ADRA1D: variants seen among roughly 807,000 people sequenced by gnomAD.
ADRA1D encodes the protein alpha-1D adrenergic receptor.
Under a neutral mutation model 18.6 loss-of-function variants are expected in ADRA1D, and 22 were observed. That is an observed-to-expected ratio of 1.19 (90% CI 0.85 to 1.69). ADRA1D has a LOEUF of 1.69. Among genes scored for constraint, ADRA1D ranks in the 40% most tolerant of loss-of-function variants. The pLI is 0.00. For synonymous variants in ADRA1D, 376 were observed against 388.2 expected (o/e 0.97, Z 0.37); for missense variants, 840 against 840.7 (o/e 1.00, Z 0.01).
chr20:4,227,951 C>A, intron 1 of ADRA1D, among the ~76,000 whole-genome samples: 1 of 152,064 alleles, frequency 6.6e-6, no homozygotes, highest in Non-Finnish European at 1.5e-5. Flanking sequence ...TGCCTTGTGC[C>A]CGCCCCCGGC....
chr20:4,225,341 G>A (rs1485570727), intron 1 of ADRA1D, among the ~76,000 whole-genome samples: 1 of 150,416 alleles, frequency 6.6e-6, no homozygotes, highest in Non-Finnish European at 1.5e-5. Context: ...TTTCTAGAAG[G>A]AATTTTGTGA....
At chr20:4,242,935 T>A (rs1981251425) in intron 1 of ADRA1D, among the ~76,000 whole-genome samples, 1 of 151,930 alleles carries the variant, frequency 6.6e-6, no homozygotes, top group Non-Finnish European at 1.5e-5. Flanking sequence ...GGGGGACACT[T>A]ACCAGGCAGC....
rs776690942 is a variant in ADRA1D at position 4,222,039 on chromosome 20, G to T, written c.1203C>A (p.Ile401=). The T allele has an allele frequency of 2.5e-6, 4 of 1,611,514 alleles. No homozygotes were observed. In the Admixed American group the frequency reaches 6.7e-5, roughly 27 times the overall value. ...GYFNSCVNPL[I]YPCSSREFKR... is the part of the protein sequence containing the mutation. ...TGAACTCGCGGCTGGAACAGGGGTA[G>T]ATGAGCGGGTTCACGCAGCTGTTGA... is the stretch of plus-strand genomic sequence containing the variant. The change falls in exon 2 of 2, where the codon ATC becomes ATA. Residue 401 remains isoleucine (I), a synonymous_variant. Transcript: ENST00000379453. This position sits in a 1 kb window ranked among gnomAD's most constrained non-coding sequence, Gnocchi z 4.3.
At chr20:4,229,945 TCTCTC>T (rs916825762) in intron 1 of ADRA1D, among the ~76,000 whole-genome samples, 12 of 151,558 alleles carry the variant, frequency 7.9e-5, no homozygotes, top group African/African-American at 2.7e-4. Context: ...TCCCCCCAAA[TCTCTC>T]CTCTCCTCTC....
rs1435445486 is a variant in ADRA1D at position 4,221,475 on chromosome 20, C to T, written c.*48G>A. 6.5e-7 allele frequency: 1 copy of T among 1,541,934 alleles called. No individual in the cohort carries two copies. On this transcript the variant is annotated 3_prime_UTR_variant, in exon 2 of 2. Transcript: ENST00000379453. ...AGAACACCAGCCCGCCTCTCTGGTC[C>T]CCCTTACCCCCAAGCCCAGCACACT...
At chr20:4,243,334 G>A (rs6052453) in intron 1 of ADRA1D, among the ~76,000 whole-genome samples, 1 of 86,920 alleles carries the variant, frequency 1.2e-5, no homozygotes, top group African/African-American at 2.7e-5. Flanking sequence ...CACTCTACAA[G>A]TCTGGGCTCC....
chr20:4,246,960 C>T (rs1055435482), intron 1 of ADRA1D, among the ~76,000 whole-genome samples: 3 of 152,016 alleles, frequency 2.0e-5, no homozygotes, highest in Non-Finnish European at 2.9e-5. Context: ...CTTGGGCCTG[C>T]GGAGGTTGCA....
rs1694877509 is a variant in ADRA1D at position 4,239,131 on chromosome 20, G to C, written c.1111+8716C>G. Reference sequence around the variant, plus strand: ...TAGGCCTTGGAGGAGGGGAGGAGGGGAAGGTCATTGTAGTCTCAAGGCCAG... The same window carrying C: ...TAGGCCTTGGAGGAGGGGAGGAGGGCAAGGTCATTGTAGTCTCAAGGCCAG... On this transcript the variant is annotated intron_variant, in intron 1 of 1. Coordinates refer to ENST00000379453, the MANE Select transcript of ADRA1D (RefSeq NM_000678.4). This position sits in a 1 kb window ranked among gnomAD's most constrained non-coding sequence, Gnocchi z 4.9. Among the ~76,000 whole-genome samples the C allele has an allele frequency of 6.6e-6, 1 of 151,974 alleles. No homozygotes were observed. The highest frequency in any genetic ancestry group is 1.5e-5 in the Non-Finnish European group (1 of 67,978).
rs1468973646 is a variant in ADRA1D at position 4,247,955 on chromosome 20, C to T, written c.1003G>A (p.Val335Met). ...KGHTFRSSLS[V>M]RLLKFSREKK... ...TCACGGGAGAACTTGAGCAGGCGCA[C>T]GGAGAGCGAGCTGCGGAAGGTGTGG... is the stretch of plus-strand genomic sequence containing the variant. The change falls in exon 1 of 2, where the codon GTG becomes ATG. Residue 335 changes from valine to methionine, a missense_variant. By Grantham distance (21) the Val-to-Met change is conservative. Transcript: ENST00000379453. The T allele has an allele frequency of 1.3e-6, 2 of 1,594,556 alleles. No individual in the cohort carries two copies. The highest frequency in any genetic ancestry group is 2.3e-5 in the South Asian group (2 of 88,100).
chr20:4,242,883 T>C (rs1234252027), intron 1 of ADRA1D, among the ~76,000 whole-genome samples: 4 of 152,014 alleles, frequency 2.6e-5, no homozygotes, highest in Admixed American at 6.5e-5. Context: ...TGTTTGTGTG[T>C]GTATGTAGGT....
At position 4,222,067 on chromosome 20, in the gene ADRA1D, T is replaced by A; in HGVS notation, c.1175A>T (p.Tyr392Phe). 6.2e-7 allele frequency: 1 copy of A among 1,612,886 alleles called. No individual in the cohort carries two copies. Among genetic ancestry groups the A allele is most frequent in the South Asian group, 1.1e-5 (1 of 91,062 alleles). The change falls in exon 2 of 2, where the codon TAC becomes TTC. Residue 392 changes from tyrosine (Y) to phenylalanine (F), a missense_variant. Tyr to Phe is a conservative substitution (Grantham distance 22, BLOSUM62 3). Coordinates refer to ENST00000379453, the MANE Select transcript of ADRA1D (RefSeq NM_000678.4). This position sits in a 1 kb window ranked among gnomAD's most constrained non-coding sequence, Gnocchi z 4.3. ...GVFKVIFWLG[Y>F]FNSCVNPLIY... The stretch of plus-strand genomic sequence containing the variant: ...GAGCGGGTTCACGCAGCTGTTGAAG[T>A]AGCCGAGCCAGAAGATGACCTTGAA...
At chr20:4,228,263 C>T (rs532022165) in intron 1 of ADRA1D, among the ~76,000 whole-genome samples, 6 of 152,278 alleles carry the variant, frequency 3.9e-5, no homozygotes, top group East Asian at 1.9e-4. Flanking sequence ...TCCTTGAACA[C>T]GCTTGGGGTC....
At chr20:4,236,898 A>G (rs1981105609) in intron 1 of ADRA1D, among the ~76,000 whole-genome samples, 1 of 152,244 alleles carries the variant, frequency 6.6e-6, no homozygotes, top group South Asian at 2.1e-4. Flanking sequence ...CTGAGCCTCC[A>G]GAGGAAATGC....
At chr20:4,223,418 G>A (rs1264765696) in intron 1 of ADRA1D, among the ~76,000 whole-genome samples, 2 of 152,186 alleles carry the variant, frequency 1.3e-5, no homozygotes, top group Non-Finnish European at 2.9e-5. Flanking sequence ...GTAACAAAAA[G>A]GGGTAAGGAC....
Position 4,222,899 on chromosome 20 carries a change from A to G in ADRA1D, c.1112-769T>C, listed in dbSNP as rs1177728615. ...TACAGGGCTTAGTCTATAGTCCTCA[A>G]TAAGACTTCTAAATAAAACTAATGT... On this transcript the variant is annotated intron_variant, in intron 1 of 1. Coordinates refer to ENST00000379453, the MANE Select transcript of ADRA1D (RefSeq NM_000678.4). This position sits in a 1 kb window ranked among gnomAD's most constrained non-coding sequence, Gnocchi z 4.3. 6.6e-6 allele frequency among the ~76,000 whole-genome samples: 1 copy of G among 152,236 alleles called. No homozygotes were observed. Among genetic ancestry groups the G allele is most frequent in the African/African-American group, 2.4e-5 (1 of 41,470 alleles).
intron 1 of ADRA1D, among the ~76,000 whole-genome samples, chr20:4,223,638 C>T (rs187703948): frequency 2.0e-5 from 3 of 152,290 alleles, no homozygotes; most frequent in Non-Finnish European, 4.4e-5. Flanking sequence ...TACAATGGTG[C>T]AAAAGTGATA....
rs758135865 is a variant in ADRA1D, at chr20:4,221,509, T to C, written c.*14A>G. ...CCCAAGCCCAGCACACTCCGCGGCC[T>C]AGCTCTGGGGTCCTTAAATATCGGT... On this transcript the variant is annotated 3_prime_UTR_variant, in exon 2 of 2. Coordinates refer to ENST00000379453, the MANE Select transcript of ADRA1D (RefSeq NM_000678.4). The C allele has an allele frequency of 9.4e-6, 15 of 1,593,634 alleles. No homozygotes were observed. The Admixed American group carries it at 2.5e-4, about 27-fold the overall frequency.
intron 1 of ADRA1D, among the ~76,000 whole-genome samples, chr20:4,237,088 G>T (rs1410373370): frequency 6.6e-6 from 1 of 152,170 alleles, no homozygotes; most frequent in South Asian, 2.1e-4. Flanking sequence ...AAGAGGGTTT[G>T]TCTGGAAATG....
At chr20:4,246,566 G>T (rs906410499) in intron 1 of ADRA1D, among the ~76,000 whole-genome samples, 1 of 151,750 alleles carries the variant, frequency 6.6e-6, no homozygotes, top group African/African-American at 2.4e-5. Flanking sequence ...ACGGCAGAGA[G>T]GGGGAGGGCA....
Sources: allele counts gnomAD v4.1 joint callset (sites outside exome capture counted in the v4.1 genomes callset), GRCh38; gene constraint gnomAD v4.1.1; non-coding constraint Gnocchi (gnomAD v3.1); transcripts MANE v1.5; gene names NCBI Gene and HGNC (gene_info 2026-07-23, HGNC 2026-07-21).